RORB: variants seen among roughly 807,000 people sequenced by gnomAD.
RORB encodes the protein RAR related orphan receptor B.
RORB carries 6 observed loss-of-function variants against 59.1 expected under a neutral mutation model. That is an observed-to-expected ratio of 0.10 (90% CI 0.06 to 0.20). The LOEUF (loss-of-function observed/expected upper bound fraction) is 0.20, where lower values mean the gene tolerates loss of function less well. Among genes scored for constraint, RORB ranks in the 10% least tolerant of loss-of-function variants. The probability of loss-of-function intolerance (pLI) is 1.00; values close to 1 mark genes in which losing one functional copy is unlikely to be tolerated. For missense variants in RORB, 320 were observed against 560.5 expected (o/e 0.57, Z 4.33); for synonymous variants, 215 against 204.5 (o/e 1.05, Z -0.44).
At chr9:74,582,127 G>A (rs1822734148) in intron 1 of RORB, among the ~76,000 whole-genome samples, 1 of 152,092 alleles carries the variant, frequency 6.6e-6, no homozygotes, top group African/African-American at 2.4e-5. Context: ...ATTCTGTCAG[G>A]AGAAGTAACA....
chr9:74,536,139 T>C (rs568196573), intron 1 of RORB, among the ~76,000 whole-genome samples: 2 of 152,200 alleles, frequency 1.3e-5, no homozygotes, highest in Admixed American at 1.3e-4. Context: ...CTTTATTCAG[T>C]TTATGGTTTA....
chr9:74,623,514 AGGC>A (rs1823458278), intron 1 of RORB, among the ~76,000 whole-genome samples: 1 of 152,118 alleles, frequency 6.6e-6, no homozygotes, highest in Non-Finnish European at 1.5e-5. Flanking sequence ...AATGCCTAAA[AGGC>A]AAAAGCAGAG....
Position 74,692,341 on chromosome 9 carries a change from A to C in RORB, c.*6723A>C, listed in dbSNP as rs553850186. On this transcript the variant is annotated 3_prime_UTR_variant, in exon 10 of 10. Coordinates refer to ENST00000376896, the MANE Select transcript of RORB (RefSeq NM_006914.4). ...GATTTATAATGATAAAAAGATATTT[A>C]GATTTAAATGAGACATTCCAATATT... 243 of 152,376 alleles carry C rather than the reference A, an allele frequency of 1.6e-3. 1 individual carries two copies. The highest frequency in any genetic ancestry group is 5.6e-3 in the African/African-American group (233 of 41,596). 9.4% of individuals were successfully genotyped at this position (152,376 alleles called of 1,614,324 possible).
chr9:74,592,900 G>A (rs1173415524), intron 1 of RORB, among the ~76,000 whole-genome samples: 1 of 151,916 alleles, frequency 6.6e-6, no homozygotes, highest in African/African-American at 2.4e-5. Context: ...CTATTCAGGG[G>A]TGAGGAGAGC....
chr9:74,615,740 T>C, intron 1 of RORB: 2 of 330,126 alleles, frequency 6.1e-6, no homozygotes, highest in South Asian at 4.5e-5. Flanking sequence ...AATAAATTGA[T>C]AGCTAGGTGT....
At chr9:74,671,114 G>A (rs1824337912) in intron 8 of RORB, among the ~76,000 whole-genome samples, 1 of 151,430 alleles carries the variant, frequency 6.6e-6, no homozygotes, top group African/African-American at 2.4e-5. Context: ...ATGGAGGGAA[G>A]GAAATAAGTG....
intron 9 of RORB, among the ~76,000 whole-genome samples, chr9:74,672,612 G>GA (rs1219174995): frequency 6.6e-6 from 1 of 151,862 alleles, no homozygotes; most frequent in Admixed American, 6.6e-5. Flanking sequence ...TAAGAGTACT[G>GA]AAAAAAAGTG....
intron 1 of RORB, among the ~76,000 whole-genome samples, chr9:74,577,025 T>G (rs1822646027): frequency 6.6e-6 from 1 of 152,122 alleles, no homozygotes; most frequent in Non-Finnish European, 1.5e-5. Flanking sequence ...GCCAGTGCTC[T>G]AGAGGTTTCA....
intron 1 of RORB, among the ~76,000 whole-genome samples, chr9:74,570,344 A>C (rs1278706942): frequency 1.3e-5 from 2 of 152,086 alleles, no homozygotes; most frequent in Non-Finnish European, 2.9e-5. Context: ...AATTTGGCTG[A>C]TGCACCCATA....
At chr9:74,678,514 G>T (rs1824485885) in intron 9 of RORB, among the ~76,000 whole-genome samples, 2 of 152,090 alleles carry the variant, frequency 1.3e-5, no homozygotes, top group African/African-American at 4.8e-5. Flanking sequence ...TTAAAAGATA[G>T]AAGGCTTAAA....
intron 1 of RORB, among the ~76,000 whole-genome samples, chr9:74,582,085 T>C (rs929265763): frequency 6.6e-6 from 1 of 152,192 alleles, no homozygotes; most frequent in Non-Finnish European, 1.5e-5. Context: ...TTATATCTCT[T>C]CTTGAAGTTA....
chr9:74,563,312 A>G (rs1203920978), intron 1 of RORB, among the ~76,000 whole-genome samples: 3 of 151,428 alleles, frequency 2.0e-5, no homozygotes, highest in Non-Finnish European at 2.9e-5. Context: ...CAGCCTCCCG[A>G]GTAGCTAGGA....
chr9:74,681,407 C>G (rs779490562), intron 9 of RORB, among the ~76,000 whole-genome samples: 1 of 152,224 alleles, frequency 6.6e-6, no homozygotes, highest in Non-Finnish European at 1.5e-5. Flanking sequence ...ATGCCCCTAT[C>G]GGCACTTCTG....
intron 7 of RORB, among the ~76,000 whole-genome samples, chr9:74,667,250 A>G (rs777778926): frequency 1.1e-4 from 17 of 152,364 alleles, no homozygotes; most frequent in Non-Finnish European, 1.8e-4. Flanking sequence ...CTAGCTCCTC[A>G]GTGAAATTTC....
intron 6 of RORB, 149 bp downstream of exon 6, chr9:74,662,755 A>G: frequency 1.3e-6 from 1 of 778,434 alleles, no homozygotes; most frequent in Non-Finnish European, 2.1e-6. Context: ...AACTCTCAGT[A>G]ATAAAAATGC....
intron 1 of RORB, among the ~76,000 whole-genome samples, chr9:74,551,320 C>G (rs1215077583): frequency 6.6e-6 from 1 of 152,098 alleles, no homozygotes; most frequent in Non-Finnish European, 1.5e-5. Context: ...ATGTAAATCG[C>G]CAGCAAATGC....
chr9:74,597,502 A>G (rs936972013), intron 1 of RORB, among the ~76,000 whole-genome samples: 2 of 152,260 alleles, frequency 1.3e-5, no homozygotes, highest in African/African-American at 4.8e-5. Flanking sequence ...CATTAAGCAT[A>G]ACTATATCAT....
At position 74,689,372 on chromosome 9, in the gene RORB, A is replaced by G. The variant is rs146740626; in HGVS notation, c.*3754A>G. Reference sequence around the variant, plus strand: ...ACCCGCCTTGGCCTCCCAAAGTGCAAGGATTACAGGCCTGAGCCACTGCGC... The same window carrying G: ...ACCCGCCTTGGCCTCCCAAAGTGCAGGGATTACAGGCCTGAGCCACTGCGC... On this transcript the variant is annotated 3_prime_UTR_variant, in exon 10 of 10. Transcript: ENST00000376896. 10,883 of 152,376 alleles carry G rather than the reference A, an allele frequency of 0.071. 458 individuals carry two copies. The highest frequency in any genetic ancestry group is 0.082 in the Admixed American group (1,257 of 15,292). 9.4% of individuals were successfully genotyped at this position (152,376 alleles called of 1,614,324 possible).
intron 1 of RORB, among the ~76,000 whole-genome samples, chr9:74,601,960 C>T (rs569222383): frequency 3.5e-4 from 53 of 152,280 alleles, no homozygotes; most frequent in African/African-American, 1.2e-3. Context: ...CAAAAGTAGA[C>T]CTTGAACTTA....
Sources: gnomAD v4.1 joint callset for allele counts (sites outside exome capture counted in the v4.1 genomes callset) on GRCh38, gnomAD v4.1.1 for gene constraint, MANE v1.5 for transcripts, NCBI Gene and HGNC (gene_info 2026-07-23, HGNC 2026-07-21) for gene names.